Variants in TAFA2 observed in about 807,000 individuals in gnomAD.
TAFA2 encodes the protein TAFA chemokine like family member 2.
A neutral mutation model predicts 18.8 loss-of-function variants in TAFA2; 7 were observed. The observed-to-expected ratio is 0.37, with a 90% CI of 0.21 to 0.70. The LOEUF is 0.70. TAFA2 is among the 30% of genes least tolerant of loss of function. The pLI, the probability that TAFA2 is intolerant of heterozygous loss-of-function variation, is 0.53. For missense variants in TAFA2, 122 were observed against 158.1 expected (o/e 0.77, Z 1.23); for synonymous variants, 60 against 54.2 (o/e 1.11, Z -0.47).
chr12:62,194,187 T>C (rs2062639024), upstream of TAFA2, among the ~76,000 whole-genome samples: 1 of 152,180 alleles, frequency 6.6e-6, no homozygotes, highest in Non-Finnish European at 1.5e-5. Flanking sequence ...AGTATTTTTT[T>C]GTCTGCTGTG....
intron 2 of TAFA2, among the ~76,000 whole-genome samples, chr12:61,865,827 C>A (rs983113162): frequency 6.6e-6 from 1 of 152,178 alleles, no homozygotes; most frequent in Non-Finnish European, 1.5e-5. Context: ...TATGATCCCC[C>A]ACTCCTCCAA....
At chr12:61,730,683 T>C (rs1053783932) in intron 4 of TAFA2, among the ~76,000 whole-genome samples, 2 of 151,956 alleles carry the variant, frequency 1.3e-5, no homozygotes, top group African/African-American at 4.8e-5. Context: ...GGTCACCAGG[T>C]AAGTGGGGAA....
At chr12:62,034,152 G>C (rs1881537138) in intron 1 of TAFA2, among the ~76,000 whole-genome samples, 1 of 152,162 alleles carries the variant, frequency 6.6e-6, no homozygotes, top group South Asian at 2.1e-4. Context: ...GACATGATAA[G>C]CGGTGATTTG....
upstream of TAFA2, among the ~76,000 whole-genome samples, chr12:62,194,993 A>G (rs1027221179): frequency 1.3e-5 from 2 of 152,226 alleles, no homozygotes; most frequent in African/African-American, 4.8e-5. Flanking sequence ...GCCTTCAGTG[A>G]TTCCTAATCT....
intron 4 of TAFA2, among the ~76,000 whole-genome samples, chr12:61,735,741 TGCA>T (rs1423188181): frequency 6.6e-6 from 1 of 152,068 alleles, no homozygotes; most frequent in African/African-American, 2.4e-5. Context: ...TTTGTCTTAG[TGCA>T]GCAGTTCTGC....
At chr12:61,923,785 C>A (rs927174189) in intron 1 of TAFA2, among the ~76,000 whole-genome samples, 1 of 151,888 alleles carries the variant, frequency 6.6e-6, no homozygotes, top group Non-Finnish European at 1.5e-5. Context: ...TAATAACAAA[C>A]TCCTCCGAGC....
intron 2 of TAFA2, among the ~76,000 whole-genome samples, chr12:61,782,465 T>C (rs764092079): frequency 2.0e-5 from 3 of 151,722 alleles, no homozygotes; most frequent in Non-Finnish European, 4.4e-5. Context: ...TGTGCCACCT[T>C]TCTGGACTGA....
chr12:61,892,468 G>A (rs988604832), intron 1 of TAFA2, among the ~76,000 whole-genome samples: 3 of 152,200 alleles, frequency 2.0e-5, no homozygotes, highest in Non-Finnish European at 4.4e-5. Context: ...ATCCAGTCAA[G>A]TTTGAATTTC....
intron 1 of TAFA2, among the ~76,000 whole-genome samples, chr12:62,074,710 T>C (rs1209937657): frequency 1.1e-5 from 1 of 90,854 alleles, no homozygotes; most frequent in Non-Finnish European, 2.5e-5. Context: ...TTTTTTTTTT[T>C]TTTTTTTTTG....
intron 1 of TAFA2, among the ~76,000 whole-genome samples, chr12:62,183,258 C>T (rs1228438454): frequency 6.6e-6 from 1 of 152,230 alleles, no homozygotes; most frequent in Non-Finnish European, 1.5e-5. Context: ...TGGGTGTCTA[C>T]AAGCCAGGAA....
intron 1 of TAFA2, among the ~76,000 whole-genome samples, chr12:61,972,501 A>C (rs769169672): frequency 5.7e-4 from 87 of 151,716 alleles, no homozygotes; most frequent in Admixed American, 9.2e-4. Flanking sequence ...TCTGGAATTC[A>C]CAAAGTGAGT....
intron 4 of TAFA2, among the ~76,000 whole-genome samples, chr12:61,712,279 G>T (rs1295643166): frequency 6.6e-6 from 1 of 152,036 alleles, no homozygotes; most frequent in Non-Finnish European, 1.5e-5. Flanking sequence ...GAGTATAATA[G>T]ATGCATTCCT....
chr12:62,182,150 T>C (rs2062556918), intron 1 of TAFA2, among the ~76,000 whole-genome samples: 1 of 152,210 alleles, frequency 6.6e-6, no homozygotes, highest in South Asian at 2.1e-4. Flanking sequence ...AATATATTGA[T>C]ATATAATATA....
intron 4 of TAFA2, among the ~76,000 whole-genome samples, chr12:61,729,849 A>T (rs1184264241): frequency 6.6e-6 from 1 of 152,044 alleles, no homozygotes; most frequent in Non-Finnish European, 1.5e-5. Context: ...TCATTTGGGT[A>T]TACTATGTCA....
chr12:61,784,236 A>T (rs1870630208), intron 2 of TAFA2, among the ~76,000 whole-genome samples: 2 of 151,608 alleles, frequency 1.3e-5, no homozygotes, highest in East Asian at 3.9e-4. Flanking sequence ...TGAGAGACCC[A>T]GGAGACTGCC....
At chr12:61,920,334 G>T (rs1402513488) in intron 1 of TAFA2, among the ~76,000 whole-genome samples, 1 of 152,092 alleles carries the variant, frequency 6.6e-6, no homozygotes, top group Non-Finnish European at 1.5e-5. Context: ...CTCACTAAAA[G>T]CAGAAACTTG....
At chr12:61,745,888 A>G (rs1328663268) in intron 4 of TAFA2, among the ~76,000 whole-genome samples, 2 of 152,118 alleles carry the variant, frequency 1.3e-5, no homozygotes, top group Non-Finnish European at 2.9e-5. Flanking sequence ...AAGAGGAAGA[A>G]AGGGAACAGA....
chr12:62,085,612 G>A (rs1868417957), intron 1 of TAFA2, among the ~76,000 whole-genome samples: 1 of 152,068 alleles, frequency 6.6e-6, no homozygotes. Flanking sequence ...TTAAGGATTG[G>A]AGATGGAATG....
intron 1 of TAFA2, among the ~76,000 whole-genome samples, chr12:61,911,779 G>A (rs1305256314): frequency 6.6e-6 from 1 of 152,144 alleles, no homozygotes; most frequent in Admixed American, 6.6e-5. Context: ...AGAGACACCA[G>A]GAGCTTGAGA....
Sources: allele counts gnomAD v4.1 joint callset (sites outside exome capture counted in the v4.1 genomes callset), GRCh38; gene constraint gnomAD v4.1.1; transcripts MANE v1.5; gene names NCBI Gene and HGNC (gene_info 2026-07-23, HGNC 2026-07-21).